The following ZNF723 variants were observed in gnomAD, a reference collection of about 807,000 sequenced individuals.
ZNF723 encodes the protein zinc finger protein 723, pseudogene.
A neutral mutation model predicts 9.4 loss-of-function variants in ZNF723; 5 were observed. The ratio of observed to expected loss-of-function variants is 0.53; its 90% confidence interval spans 0.28 to 1.12. ZNF723 has a LOEUF of 1.12. Ranked by LOEUF, ZNF723 falls within the 50% of genes most tolerant of loss-of-function variation. ZNF723 has a pLI of 0.10. For synonymous variants in ZNF723, 158 were observed against 168.8 expected, an observed-to-expected ratio of 0.94 and a Z score of 0.49; for missense variants, 450 against 501.5, an observed-to-expected ratio of 0.90 and a Z score of 0.98.
intron 1 of ZNF723, chr19:22,840,500 C>T (rs760396608): frequency 1.7e-4 from 26 of 152,128 alleles, no homozygotes; most frequent in Non-Finnish European, 2.9e-4. Context: ...GCTCATGTTT[C>T]TCACGCTGAG....
intron 1 of ZNF723, among the ~76,000 whole-genome samples, chr19:22,834,198 G>A (rs1374006257): frequency 6.6e-6 from 1 of 152,014 alleles, no homozygotes; most frequent in African/African-American, 2.4e-5. Flanking sequence ...TTGCAGGCAT[G>A]AGCCACTGCG....
chr19:22,841,669 T>C lies in ZNF723; in HGVS notation c.4-6592T>C, dbSNP rs73924708. 8.1e-3 allele frequency among the ~76,000 whole-genome samples: 1,240 copies of C among 152,220 alleles called. 19 individuals carry two copies. The highest frequency in any genetic ancestry group is 0.029 in the African/African-American group (1,192 of 41,534). On this transcript the variant is annotated intron_variant, in intron 1 of 3. Coordinates refer to ENST00000600766, the MANE Select transcript of ZNF723 (RefSeq NM_001349726.2). ...CAGGGTAGCAATCAACCATTTCACC[T>C]CTTTTAGTGACTGTTGTGTCTTCAG...
chr19:22,841,359 G>T (rs1599474317), intron 1 of ZNF723, among the ~76,000 whole-genome samples: 1 of 152,272 alleles, frequency 6.6e-6, no homozygotes, highest in East Asian at 1.9e-4. Flanking sequence ...TTCCACTTGT[G>T]GACTAACTGT....
chr19:22,822,584 T>TG, the ZNF723 span, among the ~76,000 whole-genome samples: 3 of 152,118 alleles, frequency 2.0e-5, no homozygotes, highest in Non-Finnish European at 4.4e-5. Context: ...GATTCTCAGC[T>TG]GGGGGCAGTG....
chr19:22,847,266 T>G (rs1181113263), intron 1 of ZNF723, among the ~76,000 whole-genome samples: 1 of 151,520 alleles, frequency 6.6e-6, no homozygotes, highest in African/African-American at 2.4e-5. Context: ...CTTTTTTTTT[T>G]TAATTAAGTA....
chr19:22,850,630 C>A (rs1480908523), intron 3 of ZNF723, among the ~76,000 whole-genome samples: 1 of 152,106 alleles, frequency 6.6e-6, no homozygotes, highest in Non-Finnish European at 1.5e-5. Flanking sequence ...TCCCCAGTAG[C>A]TGGGATTATA....
At chr19:22,830,954 G>C (rs1471621215), upstream of ZNF723, among the ~76,000 whole-genome samples, 1 of 151,910 alleles carries the variant, frequency 6.6e-6, no homozygotes, top group Non-Finnish European at 1.5e-5. Flanking sequence ...TTAGAGACAG[G>C]GTTTCGCCAT....
At chr19:22,845,717 A>G (rs35948178) in intron 1 of ZNF723, among the ~76,000 whole-genome samples, 31,783 of 143,180 alleles carry the variant, frequency 0.22, 3,948 homozygotes, top group African/African-American at 0.37. Flanking sequence ...ACAGAAATGG[A>G]TGGACTTTTT....
chr19:22,845,948 C>A (rs1967303090), intron 1 of ZNF723, among the ~76,000 whole-genome samples: 1 of 148,168 alleles, frequency 6.7e-6, no homozygotes, highest in African/African-American at 2.5e-5. Context: ...TCCACTCTGC[C>A]TCGTGGATTT....
chr19:22,843,174 T>G (rs1358834646), intron 1 of ZNF723, among the ~76,000 whole-genome samples: 1 of 152,204 alleles, frequency 6.6e-6, no homozygotes, highest in Admixed American at 6.5e-5. Context: ...GTTCTGGAGC[T>G]TCTCCAGGGC....
At chr19:22,855,948 A>AT (rs1967472043) in intron 3 of ZNF723, among the ~76,000 whole-genome samples, 1 of 151,554 alleles carries the variant, frequency 6.6e-6, no homozygotes, top group African/African-American at 2.4e-5. Context: ...TTCTTTTAGA[A>AT]TTTTTTTGTT....
intron 3 of ZNF723, among the ~76,000 whole-genome samples, chr19:22,854,634 C>T (rs1412714406): frequency 1.3e-5 from 2 of 151,952 alleles, no homozygotes; most frequent in Non-Finnish European, 2.9e-5. Flanking sequence ...TATGCTTTTA[C>T]TTCTTGTTTT....
intron 1 of ZNF723, among the ~76,000 whole-genome samples, chr19:22,842,912 A>G (rs1303991563): frequency 6.6e-6 from 1 of 152,216 alleles, no homozygotes; most frequent in East Asian, 1.9e-4. Context: ...TTCCTCTTTG[A>G]GAATGTGATT....
At chr19:22,820,140 G>T in the ZNF723 span, among the ~76,000 whole-genome samples, 1 of 152,036 alleles carries the variant, frequency 6.6e-6, no homozygotes, top group Non-Finnish European at 1.5e-5. Flanking sequence ...AACACCTAGG[G>T]GTTGGAAATC....
chr19:22,852,715 T>C (rs1224933400), intron 3 of ZNF723, among the ~76,000 whole-genome samples: 3 of 152,188 alleles, frequency 2.0e-5, no homozygotes, highest in Non-Finnish European at 4.4e-5. Flanking sequence ...AAATATTCGG[T>C]TTAGTCATAT....
the ZNF723 span, among the ~76,000 whole-genome samples, chr19:22,813,835 G>A: frequency 6.7e-6 from 1 of 149,350 alleles, no homozygotes; most frequent in Admixed American, 6.7e-5. Flanking sequence ...TTTTTGAGAT[G>A]GAGTGTTGCT....
the ZNF723 span, among the ~76,000 whole-genome samples, chr19:22,819,980 T>C: frequency 6.6e-6 from 1 of 152,056 alleles, no homozygotes; most frequent in African/African-American, 2.4e-5. Flanking sequence ...TTTCATTTAT[T>C]ACCTGTGTTA....
chr19:22,837,164 G>T (rs938244432), intron 1 of ZNF723, among the ~76,000 whole-genome samples: 1 of 151,812 alleles, frequency 6.6e-6, no homozygotes, highest in Non-Finnish European at 1.5e-5. Context: ...GTGGTGGTGT[G>T]TGGCTGTAAT....
intron 3 of ZNF723, among the ~76,000 whole-genome samples, chr19:22,850,506 T>C (rs1391581629): frequency 2.1e-5 from 3 of 143,988 alleles, no homozygotes; most frequent in Non-Finnish European, 4.5e-5. Context: ...TTTTTTTTTT[T>C]CTTTTTACTG....
Sources: gnomAD v4.1 joint callset for allele counts (sites outside exome capture counted in the v4.1 genomes callset) on GRCh38, gnomAD v4.1.1 for gene constraint, MANE v1.5 for transcripts, NCBI Gene and HGNC (gene_info 2026-07-23, HGNC 2026-07-21) for gene names.